GRIN2B: variants seen among roughly 807,000 people sequenced by gnomAD.
The protein encoded by GRIN2B is glutamate ionotropic receptor NMDA type subunit 2B, also known as glutamate receptor ionotropic, NMDA 2B.
A neutral mutation model predicts 114.5 loss-of-function variants in GRIN2B; 5 were observed. That is an observed-to-expected ratio of 0.04 (90% CI 0.02 to 0.09). The LOEUF (loss-of-function observed/expected upper bound fraction) is 0.09. Among genes scored for constraint, GRIN2B ranks in the 10% least tolerant of loss-of-function variants. GRIN2B has a pLI of 1.00. For missense variants in GRIN2B, 1,108 were observed against 1,943.5 expected, an observed-to-expected ratio of 0.57 and a Z score of 8.08; for synonymous variants, 787 against 745.1, an observed-to-expected ratio of 1.06 and a Z score of -0.92.
chr12:13,971,662 T>C (rs902630157), intron 2 of GRIN2B, among the ~76,000 whole-genome samples: 7 of 152,160 alleles, frequency 4.6e-5, no homozygotes, highest in African/African-American at 1.7e-4. Flanking sequence ...ACATTTACAC[T>C]GTTACAAAGG....
At chr12:13,824,531 C>A (rs1864994742) in intron 3 of GRIN2B, among the ~76,000 whole-genome samples, 2 of 152,044 alleles carry the variant, frequency 1.3e-5, no homozygotes. Context: ...GCCAGTCTTG[C>A]TAGAGATCTA....
chr12:13,716,268 A>G (rs1950454236), intron 4 of GRIN2B, among the ~76,000 whole-genome samples: 2 of 151,978 alleles, frequency 1.3e-5, no homozygotes, highest in Admixed American at 6.6e-5. Flanking sequence ...ATAGGAAATA[A>G]ATACTGTGCA....
chr12:13,875,062 T>C (rs1364802386), intron 2 of GRIN2B, among the ~76,000 whole-genome samples: 1 of 152,106 alleles, frequency 6.6e-6, no homozygotes, highest in East Asian at 1.9e-4. Context: ...CCTGATGCTC[T>C]CTCTCCCCCA....
intron 2 of GRIN2B, among the ~76,000 whole-genome samples, chr12:13,949,102 G>A (rs1867425517): frequency 6.6e-6 from 1 of 152,140 alleles, no homozygotes; most frequent in African/African-American, 2.4e-5. Flanking sequence ...CCGGACTTTG[G>A]AGGGACCATT....
chr12:13,817,884 ATCAG>A (rs1247169361), intron 3 of GRIN2B, among the ~76,000 whole-genome samples: 1 of 152,208 alleles, frequency 6.6e-6, no homozygotes, highest in African/African-American at 2.4e-5. Context: ...CAAAGCTGGG[ATCAG>A]TCAGAGTTAG....
chr12:13,589,914 C>CT (rs1287183115), intron 10 of GRIN2B, among the ~76,000 whole-genome samples: 5 of 152,028 alleles, frequency 3.3e-5, no homozygotes, highest in African/African-American at 1.2e-4. Flanking sequence ...GGCAAGGGGC[C>CT]TTCAGAGAGA....
chr12:13,680,166 C>G (rs1191111160), intron 4 of GRIN2B, among the ~76,000 whole-genome samples: 3 of 152,054 alleles, frequency 2.0e-5, no homozygotes, highest in Non-Finnish European at 2.9e-5. Context: ...CTATATTAAT[C>G]AATTTAACTT....
chr12:13,672,278 G>T (rs916601383), intron 5 of GRIN2B, among the ~76,000 whole-genome samples: 1 of 152,138 alleles, frequency 6.6e-6, no homozygotes, highest in Non-Finnish European at 1.5e-5. Flanking sequence ...TGGCTAGTTA[G>T]TGGCCTGACC....
intron 3 of GRIN2B, among the ~76,000 whole-genome samples, chr12:13,798,496 G>A (rs1336765386): frequency 1.3e-5 from 2 of 152,132 alleles, no homozygotes; most frequent in African/African-American, 4.8e-5. Context: ...ATATAGGGTA[G>A]TATGAGTACA....
intron 2 of GRIN2B, among the ~76,000 whole-genome samples, chr12:13,971,555 G>A (rs1487877638): frequency 6.6e-6 from 1 of 152,208 alleles, no homozygotes; most frequent in African/African-American, 2.4e-5. Context: ...AACAGGGCTA[G>A]TGAATTCCAA....
At position 13,563,090 on chromosome 12, in the gene GRIN2B, G is replaced by C. The variant is rs775838374; in HGVS notation, c.4148C>G (p.Thr1383Arg). 1 of 1,614,216 alleles carries C rather than the reference G, an allele frequency of 6.2e-7. No individual in the cohort carries two copies. The change falls in exon 14 of 14, where the codon ACG becomes AGG. Residue 1383 changes from threonine (T) to arginine (R), a missense_variant. Thr to Arg is a moderately conservative substitution (Grantham distance 71, BLOSUM62 -1). This residue lies in a region of GRIN2B where 478 missense variants were observed against 506.0 expected (regional missense o/e 0.94). Transcript: ENST00000609686. ...AAAAGTGGGGATGAAAGGGTTTTGC[G>C]TGACCCGGTCAGGGTAGAGCGACTT... Reference protein sequence around the residue: ...LSKSLYPDRVTQNPFIPTFGD... With the variant: ...LSKSLYPDRVRQNPFIPTFGD...
chr12:13,732,863 CTTAAG>C (rs1453683241), intron 4 of GRIN2B, among the ~76,000 whole-genome samples: 1 of 152,184 alleles, frequency 6.6e-6, no homozygotes. Flanking sequence ...TCACAATTAG[CTTAAG>C]TTAATTCACT....
chr12:13,872,529 T>C (rs930308589), intron 2 of GRIN2B, among the ~76,000 whole-genome samples: 14 of 152,112 alleles, frequency 9.2e-5, no homozygotes, highest in African/African-American at 3.4e-4. Context: ...CCATGATCAA[T>C]TGCGGTTTAT....
chr12:13,794,485 T>C (rs1266519396), intron 3 of GRIN2B, among the ~76,000 whole-genome samples: 1 of 152,154 alleles, frequency 6.6e-6, no homozygotes, highest in Non-Finnish European at 1.5e-5. Flanking sequence ...CTTCCATTAC[T>C]GTGAACCACT....
chr12:13,672,700 G>A (rs1168475272), intron 5 of GRIN2B, among the ~76,000 whole-genome samples: 1 of 152,112 alleles, frequency 6.6e-6, no homozygotes, highest in African/African-American at 2.4e-5. Context: ...TGGGTTAATT[G>A]AGTCGATATG....
intron 2 of GRIN2B, among the ~76,000 whole-genome samples, chr12:13,963,509 G>T (rs1235971662): frequency 6.6e-6 from 1 of 152,146 alleles, no homozygotes; most frequent in Non-Finnish European, 1.5e-5. Context: ...AATCGGCAGC[G>T]TTACTCACAG....
chr12:13,796,535 T>C (rs1443830413), intron 3 of GRIN2B, among the ~76,000 whole-genome samples: 1 of 152,232 alleles, frequency 6.6e-6, no homozygotes, highest in Non-Finnish European at 1.5e-5. Flanking sequence ...GAAATGGAAA[T>C]GTCCATTAAC....
intron 4 of GRIN2B, among the ~76,000 whole-genome samples, chr12:13,692,867 C>T (rs1035047767): frequency 1.4e-5 from 2 of 141,054 alleles, no homozygotes; most frequent in Admixed American, 7.7e-5. Flanking sequence ...CTCCTGGGTT[C>T]AAGTGATTCT....
At chr12:13,844,757 A>G (rs1340463585) in intron 3 of GRIN2B, among the ~76,000 whole-genome samples, 4 of 152,186 alleles carry the variant, frequency 2.6e-5, no homozygotes, top group African/African-American at 9.6e-5. Flanking sequence ...CTTTTCAGAG[A>G]GAGAATTTGA....
Sources: allele counts gnomAD v4.1 joint callset (sites outside exome capture counted in the v4.1 genomes callset), GRCh38; gene constraint gnomAD v4.1.1; regional missense constraint gnomAD v4.1.1; transcripts MANE v1.5; gene names NCBI Gene and HGNC (gene_info 2026-07-23, HGNC 2026-07-21).